Variants in CACNA1C observed in about 807,000 individuals in gnomAD.
CACNA1C encodes the protein calcium voltage-gated channel subunit alpha1 C, also known as voltage-dependent L-type calcium channel subunit alpha-1C.
A neutral mutation model predicts 229.0 loss-of-function variants in CACNA1C; 30 were observed. That is an observed-to-expected ratio of 0.13 (90% CI 0.10 to 0.18). The LOEUF (loss-of-function observed/expected upper bound fraction) is 0.18, where lower values mean the gene tolerates loss of function less well. Among genes scored for constraint, CACNA1C ranks in the 10% least tolerant of loss-of-function variants. The pLI, the probability that CACNA1C is intolerant of heterozygous loss-of-function variation, is 1.00. For missense variants in CACNA1C, 1,658 were observed against 2,845.0 expected (o/e 0.58, Z 9.49); for synonymous variants, 1,114 against 1,132.5 (o/e 0.98, Z 0.33).
intron 3 of CACNA1C, among the ~76,000 whole-genome samples, chr12:2,416,469 T>C (rs1462641999): frequency 6.6e-6 from 1 of 152,196 alleles, no homozygotes; most frequent in Non-Finnish European, 1.5e-5. Flanking sequence ...TTATAAGTTT[T>C]AACCCAATAG....
intron 7 of CACNA1C, among the ~76,000 whole-genome samples, chr12:2,502,949 G>A (rs1383373030): frequency 2.6e-5 from 4 of 152,188 alleles, no homozygotes; most frequent in South Asian, 4.2e-4. Flanking sequence ...GATCTTGGGG[G>A]CATGGGGCAG....
intron 1 of CACNA1C, among the ~76,000 whole-genome samples, chr12:2,100,168 G>T (rs758170418): frequency 2.0e-5 from 3 of 151,874 alleles, no homozygotes; most frequent in Non-Finnish European, 4.4e-5. Context: ...GATGGGGGCC[G>T]GGTGCAGTGG....
intron 1 of CACNA1C, among the ~76,000 whole-genome samples, chr12:2,063,428 C>T (rs561746624): frequency 1.6e-4 from 24 of 152,250 alleles, no homozygotes; most frequent in Admixed American, 1.5e-3. Flanking sequence ...GGATTACAGG[C>T]GTGAACCACT....
intron 34 of CACNA1C, among the ~76,000 whole-genome samples, chr12:2,664,504 A>ACTC (rs1388228031): frequency 6.6e-6 from 1 of 152,210 alleles, no homozygotes; most frequent in African/African-American, 2.4e-5. Flanking sequence ...CATAGAGCAT[A>ACTC]CTCCTGTACA....
intron 3 of CACNA1C, among the ~76,000 whole-genome samples, chr12:2,198,021 C>T (rs554805155): frequency 3.3e-5 from 5 of 152,266 alleles, no homozygotes; most frequent in East Asian, 3.9e-4. Flanking sequence ...TTTTTACTAC[C>T]GGAAGGCCCC....
chr12:2,534,258 G>C (rs1434270961), intron 9 of CACNA1C, among the ~76,000 whole-genome samples: 1 of 152,198 alleles, frequency 6.6e-6, no homozygotes, highest in East Asian at 1.9e-4. Context: ...CAGAGAGTAG[G>C]ACTGAGTGCA....
At chr12:2,580,428 G>T (rs2060081853) in intron 13 of CACNA1C, among the ~76,000 whole-genome samples, 1 of 152,174 alleles carries the variant, frequency 6.6e-6, no homozygotes, top group Non-Finnish European at 1.5e-5. Flanking sequence ...AGCAGCAAAA[G>T]CAATCCACTG....
chr12:2,238,810 TAAGGCTGAAA>T (rs2068569770), intron 3 of CACNA1C, among the ~76,000 whole-genome samples: 1 of 152,180 alleles, frequency 6.6e-6, no homozygotes, highest in Admixed American at 6.5e-5. Context: ...TCTGCCTGGT[TAAGGCTGAAA>T]TTTGGGGACT....
At chr12:2,245,002 A>G (rs996699075) in intron 3 of CACNA1C, among the ~76,000 whole-genome samples, 6 of 152,146 alleles carry the variant, frequency 3.9e-5, no homozygotes, top group Non-Finnish European at 7.3e-5. Flanking sequence ...TGTAAATGCA[A>G]TTCTGCTGCT....
chr12:2,648,381 C>T, intron 30 of CACNA1C, 94 bp from the exon 31 acceptor site: 2 of 1,161,354 alleles, frequency 1.7e-6, no homozygotes, highest in Non-Finnish European at 2.6e-6. Flanking sequence ...CCTCTTCTGC[C>T]ACTGTGTTGC....
intron 3 of CACNA1C, among the ~76,000 whole-genome samples, chr12:2,374,123 G>A (rs2097953601): frequency 6.6e-6 from 1 of 152,194 alleles, no homozygotes; most frequent in Non-Finnish European, 1.5e-5. Flanking sequence ...CTAGTAGACA[G>A]TAGACTAGTA....
At chr12:2,127,587 T>C (rs2090602654) in intron 3 of CACNA1C, among the ~76,000 whole-genome samples, 1 of 152,180 alleles carries the variant, frequency 6.6e-6, no homozygotes, top group African/African-American at 2.4e-5. Flanking sequence ...TGTCCTGTGC[T>C]GTGTAGTGGG....
At chr12:2,097,385 A>G (rs759630644) in intron 1 of CACNA1C, among the ~76,000 whole-genome samples, 1 of 151,920 alleles carries the variant, frequency 6.6e-6, no homozygotes, top group Non-Finnish European at 1.5e-5. Context: ...TGACCTTGTG[A>G]TCCGCCCGCC....
At chr12:2,123,914 G>T (rs939606237) in intron 3 of CACNA1C, among the ~76,000 whole-genome samples, 2 of 152,200 alleles carry the variant, frequency 1.3e-5, no homozygotes, top group Non-Finnish European at 2.9e-5. Flanking sequence ...GCCAAAATAT[G>T]TAAAGCCCTT....
In CACNA1C at chr12:2,597,360, C is replaced by T. The variant is rs2068844943; in HGVS notation, c.2853+71C>T. 4 of 1,491,836 alleles carry T rather than the reference C, an allele frequency of 2.7e-6. No homozygotes were observed. Among genetic ancestry groups the T allele is most frequent in the South Asian group, 2.3e-5 (2 of 88,552 alleles). The allele number at this position is 1,491,836 out of a possible 1,614,324, so 92.4% of individuals were successfully genotyped here. A position where few individuals can be genotyped will look rare whatever the true frequency, so the allele number is the denominator to read the frequency against. ...GCACCAGGTCTCTGCCGCTGTCTGT[C>T]GCTAACACACATGCTCCTTCCTGTT... is the stretch of plus-strand genomic sequence containing the variant. On this transcript the variant is annotated intron_variant, in intron 21 of 46. Coordinates refer to ENST00000399655, the MANE Select transcript of CACNA1C (RefSeq NM_000719.7). The surrounding 1 kb of genome is among the most constrained non-coding windows in gnomAD (Gnocchi z 4.3).
rs1442606462 is a variant in CACNA1C, at chr12:2,178,519, C to A, written c.477+58089C>A. ...GCAGTTGTCTTGTGGTATCAATGCTCCTGTGTCTGGAGAGCTGGTCGCTAA... is the reference window on the plus strand; with the variant it reads ...GCAGTTGTCTTGTGGTATCAATGCTACTGTGTCTGGAGAGCTGGTCGCTAA... On this transcript the variant is annotated intron_variant, in intron 3 of 46. Transcript: ENST00000399655. Among the ~76,000 whole-genome samples the A allele has an allele frequency of 2.6e-5, 4 of 152,302 alleles. No individual in the cohort carries two copies. In the South Asian group the frequency reaches 8.3e-4, roughly 32 times the overall value.
chr12:2,100,584 A>G lies in CACNA1C; in HGVS notation c.50-14640A>G, dbSNP rs1471163019. 2.6e-4 allele frequency among the ~76,000 whole-genome samples: 33 copies of G among 126,282 alleles called. 1 individual carries two copies. The highest frequency in any genetic ancestry group is 1.0e-3 in the African/African-American group (33 of 31,446). The allele number at this position is 126,282 out of a possible 152,430, so 82.8% of individuals were successfully genotyped here. A position where few individuals can be genotyped will look rare whatever the true frequency, so the allele number is the denominator to read the frequency against. On this transcript the variant is annotated intron_variant, in intron 1 of 46. Coordinates refer to ENST00000399655, the MANE Select transcript of CACNA1C (RefSeq NM_000719.7). ...GGGCAACATAGCCCTGTTTCTACCA[A>G]AAAAAAAAAAAAAAAAAAAAAAATT...
At chr12:2,331,683 C>T (rs1334919288) in intron 3 of CACNA1C, among the ~76,000 whole-genome samples, 1 of 152,236 alleles carries the variant, frequency 6.6e-6, no homozygotes, top group Non-Finnish European at 1.5e-5. Context: ...AATGTGGACA[C>T]GCCACCCAAT....
chr12:2,198,418 G>A (rs1598831334), intron 3 of CACNA1C, among the ~76,000 whole-genome samples: 2 of 152,082 alleles, frequency 1.3e-5, no homozygotes, highest in South Asian at 2.1e-4. Flanking sequence ...GTGTTCCTCC[G>A]GCATGAGGAT....
Sources: gnomAD v4.1 joint callset for allele counts (sites outside exome capture counted in the v4.1 genomes callset) on GRCh38, gnomAD v4.1.1 for gene constraint, Gnocchi (gnomAD v3.1) non-coding constraint, MANE v1.5 for transcripts, NCBI Gene and HGNC (gene_info 2026-07-23, HGNC 2026-07-21) for gene names.